PTPRD: variants seen among roughly 807,000 people sequenced by gnomAD.
PTPRD encodes the protein receptor-type tyrosine-protein phosphatase delta.
Under a neutral mutation model 214.5 loss-of-function variants are expected in PTPRD, and 34 were observed. The observed-to-expected ratio is 0.16, with a 90% CI of 0.12 to 0.21. The LOEUF is 0.21. Ranked by LOEUF, PTPRD falls within the 10% of genes least tolerant of loss-of-function variation. The pLI is 1.00. For synonymous variants in PTPRD, 1,128 were observed against 845.7 expected (o/e 1.33, Z -5.79); for missense variants, 2,545 against 2,398.7 (o/e 1.06, Z -1.27).
rs574166962 is a variant in PTPRD at position 10,278,518 on chromosome 9, T to G, written c.-545+62445A>C. Among the ~76,000 whole-genome samples the G allele has an allele frequency of 2.1e-3, 319 of 152,250 alleles. 2 individuals are homozygous for G. The highest frequency in any genetic ancestry group is 7.4e-3 in the African/African-American group (309 of 41,530). ...CATAGTAATAAGATTCTAAGTAAGATTCCACTGCAGAACAGGAAAGAAAGA... is the reference window on the plus strand; with the variant it reads ...CATAGTAATAAGATTCTAAGTAAGAGTCCACTGCAGAACAGGAAAGAAAGA... On this transcript the variant is annotated intron_variant, in intron 3 of 45. Transcript: ENST00000381196.
chr9:8,403,958 G>A (rs1232823467), intron 36 of PTPRD, among the ~76,000 whole-genome samples: 1 of 152,062 alleles, frequency 6.6e-6, no homozygotes, highest in Admixed American at 6.5e-5. Flanking sequence ...ACCTCAATTC[G>A]CTTCCCATAT....
intron 4 of PTPRD, among the ~76,000 whole-genome samples, chr9:9,983,825 T>G (rs899843464): frequency 6.6e-6 from 1 of 152,212 alleles, no homozygotes; most frequent in South Asian, 2.1e-4. Context: ...ACTAGGATAT[T>G]GGAGTAACAA....
intron 10 of PTPRD, among the ~76,000 whole-genome samples, chr9:9,139,897 A>C (rs1164053937): frequency 1.3e-5 from 2 of 152,166 alleles, no homozygotes; most frequent in African/African-American, 4.8e-5. Flanking sequence ...ATTAGTGTAA[A>C]AATATAAAAA....
At chr9:8,783,851 A>C (rs1352424556) in intron 11 of PTPRD, among the ~76,000 whole-genome samples, 1 of 152,190 alleles carries the variant, frequency 6.6e-6, no homozygotes, top group South Asian at 2.1e-4. Flanking sequence ...CAAAAAAGAA[A>C]AATAAAAAAC....
intron 2 of PTPRD, among the ~76,000 whole-genome samples, chr9:10,344,773 A>G (rs1182992782): frequency 6.6e-6 from 1 of 152,040 alleles, no homozygotes. Context: ...TAGGTATTTT[A>G]TTCACTTTGT....
intron 5 of PTPRD, among the ~76,000 whole-genome samples, chr9:9,792,885 A>G (rs1328597918): frequency 6.6e-6 from 1 of 152,184 alleles, no homozygotes; most frequent in Admixed American, 6.5e-5. Flanking sequence ...AACATTTGTC[A>G]TATAAACATG....
intron 14 of PTPRD, among the ~76,000 whole-genome samples, chr9:8,532,966 C>A (rs1045252222): frequency 6.6e-6 from 1 of 151,978 alleles, no homozygotes; most frequent in African/African-American, 2.4e-5. Context: ...AACTTATTAA[C>A]AACCCTGACC....
Position 10,192,952 on chromosome 9 carries a change from C to T in PTPRD, c.-545+148011G>A, listed in dbSNP as rs547731032. On this transcript the variant is annotated intron_variant, in intron 3 of 45. Transcript: ENST00000381196. ...CCCAAGAGCTCTATGAATTGAGTTC[C>T]AAAATCATCATGAAAATCCTTTTCT... 9.2e-4 allele frequency among the ~76,000 whole-genome samples: 140 copies of T among 152,250 alleles called. 1 individual carries two copies. The South Asian group carries it at 0.016, about 18-fold the overall frequency.
At chr9:9,333,504 T>TTATATATATATATA (rs3048057) in intron 9 of PTPRD, among the ~76,000 whole-genome samples, 10 of 137,228 alleles carry the variant, frequency 7.3e-5, no homozygotes, top group South Asian at 4.4e-4. Flanking sequence ...ATATAGTATA[T>TTATATATATATATA]TATATATATA....
At chr9:10,489,240 C>A (rs146577226) in intron 2 of PTPRD, among the ~76,000 whole-genome samples, 1,883 of 152,226 alleles carry the variant, frequency 0.012, 15 homozygotes, top group Middle Eastern at 0.082. Context: ...CTGGGTGTGT[C>A]TAGAAATGTC....
At chr9:9,811,566 G>A (rs2047156908) in intron 5 of PTPRD, among the ~76,000 whole-genome samples, 1 of 152,096 alleles carries the variant, frequency 6.6e-6, no homozygotes, top group Non-Finnish European at 1.5e-5. Context: ...AATTAGCCAG[G>A]TGTGGTGGCA....
At chr9:10,495,000 T>C (rs1245484458) in intron 2 of PTPRD, among the ~76,000 whole-genome samples, 1 of 151,786 alleles carries the variant, frequency 6.6e-6, no homozygotes, top group East Asian at 1.9e-4. Context: ...GCTGATAATT[T>C]TATGTCGTGC....
chr9:8,875,245 G>C (rs530185488), intron 11 of PTPRD, among the ~76,000 whole-genome samples: 1 of 152,158 alleles, frequency 6.6e-6, no homozygotes, highest in African/African-American at 2.4e-5. Flanking sequence ...GAAGTTCTAG[G>C]ACAGGCGTGG....
intron 11 of PTPRD, among the ~76,000 whole-genome samples, chr9:8,813,918 C>A (rs1452228042): frequency 6.6e-6 from 1 of 152,202 alleles, no homozygotes; most frequent in African/African-American, 2.4e-5. Context: ...CTCTCCGAGT[C>A]TGAGTTAGTT....
At chr9:9,870,884 G>A (rs12000432) in intron 5 of PTPRD, among the ~76,000 whole-genome samples, 3,844 of 152,132 alleles carry the variant, frequency 0.025, 129 homozygotes, top group African/African-American at 0.082. Flanking sequence ...GGATATATAC[G>A]TGTTATAACA....
At chr9:10,072,873 A>C (rs2098055568) in intron 3 of PTPRD, among the ~76,000 whole-genome samples, 1 of 152,118 alleles carries the variant, frequency 6.6e-6, no homozygotes, top group South Asian at 2.1e-4. Flanking sequence ...ATATATAGCC[A>C]CATAAAATGT....
At chr9:9,478,412 A>C (rs963740116) in intron 8 of PTPRD, among the ~76,000 whole-genome samples, 1 of 152,178 alleles carries the variant, frequency 6.6e-6, no homozygotes, top group East Asian at 1.9e-4. Flanking sequence ...GTCATTTATC[A>C]CTTATTGAGC....
chr9:8,711,680 G>A (rs140088586), intron 12 of PTPRD, among the ~76,000 whole-genome samples: 1 of 152,152 alleles, frequency 6.6e-6, no homozygotes, highest in Non-Finnish European at 1.5e-5. Flanking sequence ...ATTCTGATTA[G>A]GTTGGTTGGG....
chr9:9,711,450 G>A (rs1415016602), intron 7 of PTPRD, among the ~76,000 whole-genome samples: 2 of 151,664 alleles, frequency 1.3e-5, no homozygotes, highest in Non-Finnish European at 2.9e-5. Flanking sequence ...ATATAACTCT[G>A]GCAACAATAA....
Sources: allele counts gnomAD v4.1 joint callset (sites outside exome capture counted in the v4.1 genomes callset), GRCh38; gene constraint gnomAD v4.1.1; transcripts MANE v1.5; gene names NCBI Gene and HGNC (gene_info 2026-07-23, HGNC 2026-07-21).